The following EML6 variants were observed in gnomAD, a reference collection of about 807,000 sequenced individuals.
The protein encoded by EML6 is EMAP like 6, also known as echinoderm microtubule-associated protein-like 6.
In EML6, 154 loss-of-function variants were observed where a neutral mutation model predicts 240.1. The ratio of observed to expected loss-of-function variants is 0.64; its 90% CI spans 0.56 to 0.73. EML6 has a LOEUF of 0.73. Among genes scored for constraint, EML6 ranks in the 30% least tolerant of loss-of-function variants. EML6 has a pLI of 0.00. For missense variants in EML6, 2,964 were observed against 2,474.6 expected, an observed-to-expected ratio of 1.20 and a Z score of -4.20; for synonymous variants, 1,148 against 899.0, an observed-to-expected ratio of 1.28 and a Z score of -4.95.
intron 17 of EML6, chr2:54,880,831 G>C (rs917330019): frequency 6.6e-6 from 1 of 152,094 alleles, no homozygotes; most frequent in Non-Finnish European, 1.5e-5. Context: ...GATAATTTCA[G>C]GGAAAGCACA....
intron 36 of EML6, among the ~76,000 whole-genome samples, chr2:54,963,071 A>C (rs3796005): frequency 0.3 from 44,198 of 145,292 alleles, 7,586 homozygotes; most frequent in African/African-American, 0.47. Flanking sequence ...TTGGGAAGGC[A>C]ATGTTAAAGT....
chr2:54,879,616 A>G lies in EML6; in HGVS notation c.2414A>G (p.Lys805Arg). 1.3e-6 allele frequency: 2 copies of G among 1,547,902 alleles called. No individual in the cohort carries two copies. The highest frequency in any genetic ancestry group is 1.7e-6 in the Non-Finnish European group (2 of 1,143,356). Reference sequence around the variant, plus strand: ...AGTATTGTATTTTGGGACTGGAAAAAGGGAGAAAAGATAGCCACAACAAGG... The same window carrying G: ...AGTATTGTATTTTGGGACTGGAAAAGGGGAGAAAAGATAGCCACAACAAGG... ...FHSIVFWDWKKGEKIATTRGH... is the reference protein window; with the variant it reads ...FHSIVFWDWKRGEKIATTRGH... The change falls in exon 17 of 42, where the codon AAG becomes AGG. Residue 805 changes from lysine to arginine, a missense_variant. Coordinates refer to ENST00000356458, the MANE Select transcript of EML6 (RefSeq NM_001039753.4).
intron 2 of EML6, among the ~76,000 whole-genome samples, chr2:54,802,641 ACTACTACTACTACTACTACTACTACTG>A (rs1476706880): frequency 6.7e-6 from 1 of 148,174 alleles, no homozygotes; most frequent in Non-Finnish European, 1.5e-5. Context: ...TACTACTACT[ACTACTACTACTACTACTACTACTACTG>A]CTACTACTAC....
chr2:54,900,065 G>A (rs1466546397), intron 22 of EML6, among the ~76,000 whole-genome samples: 2 of 152,192 alleles, frequency 1.3e-5, no homozygotes, highest in African/African-American at 2.4e-5. Context: ...ATTGAGAGCT[G>A]TGGGAGTCAA....
chr2:54,730,134 C>G (rs779650434), intron 2 of EML6, among the ~76,000 whole-genome samples: 4 of 149,632 alleles, frequency 2.7e-5, no homozygotes, highest in Non-Finnish European at 4.4e-5. Context: ...GAGGCCCTGT[C>G]TCAAGAAAAA....
chr2:54,965,090 C>T (rs1230091217), intron 38 of EML6, among the ~76,000 whole-genome samples: 2 of 152,218 alleles, frequency 1.3e-5, no homozygotes, highest in African/African-American at 4.8e-5. Flanking sequence ...TCATGTCTTT[C>T]CCAACTCTAC....
chr2:54,967,232 G>T (rs1676787528), intron 39 of EML6, 129 bp downstream of exon 39: 1 of 634,498 alleles, frequency 1.6e-6, no homozygotes, highest in Non-Finnish European at 2.7e-6. Flanking sequence ...TCTTTTGGGG[G>T]TGAGGGTGGG....
chr2:54,828,141 A>G (rs1452227181), intron 6 of EML6, among the ~76,000 whole-genome samples: 5 of 152,324 alleles, frequency 3.3e-5, no homozygotes, highest in African/African-American at 9.6e-5. Context: ...TCAGTGACCC[A>G]TAGTTTGAAC....
chr2:54,772,618 T>A (rs1479090588), intron 2 of EML6, among the ~76,000 whole-genome samples: 2 of 152,242 alleles, frequency 1.3e-5, no homozygotes, highest in African/African-American at 4.8e-5. Flanking sequence ...TGTGTGTGTA[T>A]GTACATTCCC....
intron 7 of EML6, among the ~76,000 whole-genome samples, chr2:54,831,173 C>G (rs190856409): frequency 2.6e-5 from 4 of 152,238 alleles, no homozygotes; most frequent in Admixed American, 1.3e-4. Context: ...ACTTAGAGAG[C>G]AGAGTCAACT....
rs1388846661 is a variant in EML6 at position 54,948,877 on chromosome 2, T to C, written c.4005-5T>C. On this transcript the variant is annotated splice_polypyrimidine_tract_variant and splice_region_variant and intron_variant, in intron 28 of 41. Coordinates refer to ENST00000356458, the MANE Select transcript of EML6 (RefSeq NM_001039753.4). Reference sequence around the variant, plus strand: ...TGTGCTTCCTCTGGCCGCTCTCTCTTCCAGACCACCCGTTAGCCGAGCAGC... The same window carrying C: ...TGTGCTTCCTCTGGCCGCTCTCTCTCCCAGACCACCCGTTAGCCGAGCAGC... The C allele has an allele frequency of 6.4e-7, 1 of 1,550,962 alleles. No homozygotes were observed. Among genetic ancestry groups the C allele is most frequent in the Admixed American group, 2.0e-5 (1 of 51,004 alleles).
At chr2:54,738,652 A>G (rs1217951381) in intron 2 of EML6, among the ~76,000 whole-genome samples, 1 of 152,228 alleles carries the variant, frequency 6.6e-6, no homozygotes, top group Non-Finnish European at 1.5e-5. Context: ...TTTTAAAAGG[A>G]ATGGTACAGT....
At chr2:54,810,402 C>T (rs558405618) in intron 2 of EML6, among the ~76,000 whole-genome samples, 1 of 152,092 alleles carries the variant, frequency 6.6e-6, no homozygotes, top group Non-Finnish European at 1.5e-5. Flanking sequence ...TTATTCCATT[C>T]CCCCCAACCC....
rs748484247 is a variant in EML6 at position 54,891,135 on chromosome 2, C to G, written c.2520C>G (p.Ile840Met). The G allele has an allele frequency of 1.4e-6, 2 of 1,475,652 alleles. No homozygotes were observed. Among genetic ancestry groups the G allele is most frequent in the South Asian group, 1.3e-5 (1 of 74,696 alleles). The allele number at this position is 1,475,652 out of a possible 1,614,324, so 91.4% of individuals were successfully genotyped here. A position where few individuals can be genotyped will look rare whatever the true frequency, so the allele number is the denominator to read the frequency against. Residue 840 changes from isoleucine (I) to methionine (M), a missense_variant, in exon 18 of 42, where the codon ATC becomes ATG. By Grantham distance (10) the Ile-to-Met change is conservative. Coordinates refer to ENST00000356458, the MANE Select transcript of EML6 (RefSeq NM_001039753.4). Reference sequence around the variant, plus strand: ...TGGTTACAGTTGGGATAAAACACATCAAATTCTGGCAACAAGCAGGTACTG... The same window carrying G: ...TGGTTACAGTTGGGATAAAACACATGAAATTCTGGCAACAAGCAGGTACTG... ...DKLVTVGIKH[I>M]KFWQQAGGGF...
rs548392197 is a variant in EML6 at position 54,738,700 on chromosome 2, T to C, written c.197+13442T>C. On this transcript the variant is annotated intron_variant, in intron 2 of 41. Transcript: ENST00000356458. Reference sequence around the variant, plus strand: ...ATGTCTAGCTCCTTTCAGTCAATACTATGTTGATGAGATTCATTTGTGTTT... The same window carrying C: ...ATGTCTAGCTCCTTTCAGTCAATACCATGTTGATGAGATTCATTTGTGTTT... Among the ~76,000 whole-genome samples the C allele has an allele frequency of 2.0e-5, 3 of 152,342 alleles. No homozygotes were observed. In the East Asian group the frequency reaches 5.8e-4, roughly 29 times the overall value.
chr2:54,889,291 A>G (rs150124918), intron 17 of EML6, among the ~76,000 whole-genome samples: 12 of 151,842 alleles, frequency 7.9e-5, no homozygotes, highest in Admixed American at 2.6e-4. Flanking sequence ...TTATTCTTCC[A>G]TGAGAGCTTT....
At chr2:54,791,135 AAGAGAAATTCAG>A (rs905304434) in intron 2 of EML6, among the ~76,000 whole-genome samples, 51 of 152,334 alleles carry the variant, frequency 3.3e-4, no homozygotes, top group Admixed American at 5.2e-4. Context: ...AATAGGTGTG[AAGAGAAATTCAG>A]AGAGGTGAGG....
intron 7 of EML6, among the ~76,000 whole-genome samples, chr2:54,830,379 C>G (rs996036638): frequency 6.6e-6 from 1 of 152,106 alleles, no homozygotes; most frequent in Admixed American, 6.6e-5. Flanking sequence ...TGGGGGTCCA[C>G]AGGATGAAAA....
chr2:54,863,661 A>G, intron 12 of EML6, 122 bp from the exon 13 acceptor site: 1 of 656,532 alleles, frequency 1.5e-6, no homozygotes, highest in Non-Finnish European at 2.7e-6. Context: ...TTTATATTAA[A>G]TGAAAACTAT....
Sources: allele counts gnomAD v4.1 joint callset (sites outside exome capture counted in the v4.1 genomes callset), GRCh38; gene constraint gnomAD v4.1.1; transcripts MANE v1.5; gene names NCBI Gene and HGNC (gene_info 2026-07-23, HGNC 2026-07-21).